The following CSF2RA variants were observed in gnomAD, a reference collection of about 807,000 sequenced individuals.
The protein encoded by CSF2RA is colony stimulating factor 2 receptor subunit alpha.
In CSF2RA, 42 loss-of-function variants were observed where a neutral mutation model predicts 51.6. That is an observed-to-expected ratio of 0.81 (90% CI 0.64 to 1.05). The LOEUF (loss-of-function observed/expected upper bound fraction) is 1.05, where lower values mean the gene tolerates loss of function less well. Among genes scored for constraint, CSF2RA ranks in the 50% least tolerant of loss-of-function variants. The pLI is 0.00. For synonymous variants in CSF2RA, 222 were observed against 193.0 expected, an observed-to-expected ratio of 1.15 and a Z score of -1.24; for missense variants, 530 against 501.1, an observed-to-expected ratio of 1.06 and a Z score of -0.55.
chrX:1,283,297 T>C (rs1440830107), intron 3 of CSF2RA, among the ~76,000 whole-genome samples: 2 of 148,328 alleles, frequency 1.3e-5, no homozygotes, highest in African/African-American at 4.9e-5. Context: ...CTTCTCTTTC[T>C]TTCTCTTCCT....
chrX:1,325,188 C>T, the CSF2RA span, among the ~76,000 whole-genome samples: 2 of 149,184 alleles, frequency 1.3e-5, no homozygotes, highest in South Asian at 4.3e-4. Flanking sequence ...TTGAAACCCC[C>T]GTCTCTACTA....
rs756767593 is a variant in CSF2RA at position 1,288,626 on chromosome X, G to A, written c.327G>A (p.Leu109=). The A allele has an allele frequency of 1.2e-6, 2 of 1,613,958 alleles. No individual in the cohort carries two copies. The highest frequency in any genetic ancestry group is 1.1e-5 in the South Asian group (1 of 91,080). ...NTSQRGFQQK[L]LYPNSGREGT... is the part of the protein sequence containing the mutation. ...GTCAAAGAGGATTTCAACAGAAACT[G>A]CTTTATCCAAATTCAGGTAAGCAAG... Residue 109 remains leucine (L), a synonymous_variant, in exon 5 of 13, where the codon CTG becomes CTA. Transcript: ENST00000381529.
chrX:1,307,416 G>A lies in CSF2RA; in HGVS notation c.1125+1889G>A, dbSNP rs1241096733. ...CCTTTAGACCTTCGACTGATCAGAT[G>A]AAGCCCACCCTTCCCCTTTAGACCT... is the stretch of plus-strand genomic sequence containing the variant. On this transcript the variant is annotated intron_variant, in intron 12 of 12. Coordinates refer to ENST00000381529, the MANE Select transcript of CSF2RA (RefSeq NM_172245.4). 3.6e-3 allele frequency among the ~76,000 whole-genome samples: 520 copies of A among 145,292 alleles called. 10 individuals carry two copies. The highest frequency in any genetic ancestry group is 0.013 in the African/African-American group (485 of 37,334).
At chrX:1,283,239 C>G (rs1327495633) in intron 3 of CSF2RA, among the ~76,000 whole-genome samples, 1 of 145,210 alleles carries the variant, frequency 6.9e-6, no homozygotes, top group East Asian at 2.0e-4. Flanking sequence ...CTCTTTCCAT[C>G]CTTCCTTCTC....
intron 3 of CSF2RA, 33 bp downstream of exon 3, chrX:1,282,812 C>T (rs774862795): frequency 1.9e-5 from 30 of 1,572,780 alleles, no homozygotes; most frequent in Admixed American, 3.3e-5. Flanking sequence ...ACCTTCTCCG[C>T]GGCCCCTGTT....
chrX:1,298,807 A>C (rs2092175829), intron 9 of CSF2RA, among the ~76,000 whole-genome samples: 1 of 152,018 alleles, frequency 6.6e-6, no homozygotes. Context: ...GCCTAGACCC[A>C]GTGTGATCAG....
chrX:1,304,190 C>CCA (rs376120349), intron 11 of CSF2RA, among the ~76,000 whole-genome samples, 171 bp downstream of exon 11: 1 of 73,352 alleles, frequency 1.4e-5, no homozygotes, highest in Non-Finnish European at 2.6e-5. Context: ...GGGTGGATCA[C>CCA]GAGGTCAGGA....
chrX:1,314,373 A>ATC (rs1448523154), downstream of CSF2RA, among the ~76,000 whole-genome samples: 15 of 145,968 alleles, frequency 1.0e-4, no homozygotes, highest in Admixed American at 2.1e-4. Flanking sequence ...CATCTGCCCA[A>ATC]CCACTCTGTG....
chrX:1,291,543 C>T (rs2091400415), intron 7 of CSF2RA, among the ~76,000 whole-genome samples: 1 of 151,980 alleles, frequency 6.6e-6, no homozygotes, highest in African/African-American at 2.4e-5. Flanking sequence ...CTCCTCTTCC[C>T]AAGCCCACCG....
chrX:1,311,999 C>T (rs1470610570), downstream of CSF2RA, among the ~76,000 whole-genome samples: 1 of 152,118 alleles, frequency 6.6e-6, no homozygotes, highest in African/African-American at 2.4e-5. Flanking sequence ...CTCTGTCATT[C>T]AGGCTGGAGT....
intron 6 of CSF2RA, 133 bp downstream of exon 6, chrX:1,289,021 G>A: frequency 8.1e-7 from 1 of 1,228,868 alleles, no homozygotes; most frequent in Non-Finnish European, 1.2e-6. Flanking sequence ...CAATGCAATG[G>A]TGCCACCTCG....
chrX:1,324,729 C>A, the CSF2RA span, among the ~76,000 whole-genome samples: 1 of 152,136 alleles, frequency 6.6e-6, no homozygotes, highest in Non-Finnish European at 1.5e-5. Flanking sequence ...CTCGTTGCCA[C>A]CTAACAAAGG....
chrX:1,278,830 A>C (rs1423552839), intron 2 of CSF2RA, among the ~76,000 whole-genome samples: 1 of 143,948 alleles, frequency 6.9e-6, no homozygotes, highest in African/African-American at 2.5e-5. Flanking sequence ...CTGAGGTCAG[A>C]AGTTCGAGAC....
chrX:1,314,250 A>ATCTGCCCAACCACTCTGTG (rs1569514687), downstream of CSF2RA, among the ~76,000 whole-genome samples: 25 of 27,118 alleles, frequency 9.2e-4, 3 homozygotes, highest in African/African-American at 2.5e-3. Flanking sequence ...ACCCCACTGC[A>ATCTGCCCAACCACTCTGTG]CCTGCCCAAC....
chrX:1,278,129 T>A (rs2089439924), intron 2 of CSF2RA, among the ~76,000 whole-genome samples: 1 of 144,264 alleles, frequency 6.9e-6, no homozygotes, highest in Admixed American at 7.1e-5. Flanking sequence ...AGGTCAGGAG[T>A]TCGAGACCAG....
intron 7 of CSF2RA, among the ~76,000 whole-genome samples, chrX:1,293,485 C>T (rs753362889): frequency 1.2e-4 from 18 of 152,310 alleles, no homozygotes; most frequent in African/African-American, 4.1e-4. Context: ...TCCCAAAGTG[C>T]TGGGATTACA....
At chrX:1,314,623 A>C (rs372458094), downstream of CSF2RA, among the ~76,000 whole-genome samples, 14 of 1,436 alleles carry the variant, frequency 9.7e-3, 2 homozygotes, top group Admixed American at 0.045. Flanking sequence ...CTGCCCAACC[A>C]CACTGAACCT....
intron 2 of CSF2RA, 166 bp downstream of exon 2, chrX:1,274,984 T>A: frequency 2.6e-6 from 1 of 384,622 alleles, no homozygotes; most frequent in East Asian, 7.2e-5. Flanking sequence ...ATGACAAATT[T>A]AACATGTCAC....
chrX:1,316,246 ATAGAT>A, the CSF2RA span, among the ~76,000 whole-genome samples: 1 of 135,458 alleles, frequency 7.4e-6, no homozygotes. Flanking sequence ...ATGACAGATG[ATAGAT>A]TAGATAGATG....
Sources: gnomAD v4.1 joint callset for allele counts (sites outside exome capture counted in the v4.1 genomes callset) on GRCh38, gnomAD v4.1.1 for gene constraint, MANE v1.5 for transcripts, NCBI Gene and HGNC (gene_info 2026-07-23, HGNC 2026-07-21) for gene names.